Variants in MAFG observed in about 807,000 individuals in gnomAD.
MAFG encodes the protein MAF bZIP transcription factor G.
In MAFG, 3 loss-of-function variants were observed where a neutral mutation model predicts 12.2. The observed-to-expected ratio is 0.25, with a 90% confidence interval of 0.11 to 0.64. The LOEUF (loss-of-function observed/expected upper bound fraction) is 0.64. Ranked by LOEUF, MAFG falls within the 30% of genes least tolerant of loss-of-function variation. The pLI is 0.85. For missense variants in MAFG, 153 were observed against 235.5 expected, an observed-to-expected ratio of 0.65 and a Z score of 2.29; for synonymous variants, 126 against 109.1, an observed-to-expected ratio of 1.15 and a Z score of -0.96.
rs1370820653 is a variant in MAFG at position 81,926,055 on chromosome 17, G to T, written c.-30+1473C>A. Among the ~76,000 whole-genome samples, 1 of 150,606 alleles carries T rather than the reference G, an allele frequency of 6.6e-6. No homozygotes were observed. Among genetic ancestry groups the T allele is most frequent in the African/African-American group, 2.5e-5 (1 of 40,810 alleles). On this transcript the variant is annotated intron_variant, in intron 1 of 2. Transcript: ENST00000357736. This position sits in a 1 kb window ranked among gnomAD's most constrained non-coding sequence, Gnocchi z 4.6. ...CGGGGGGCGGGGGGCATCCCTGAGG[G>T]CAAACCACAAAGTAGCCTAACCCAG... is the stretch of plus-strand genomic sequence containing the variant.
At chr17:81,927,024 G>A (rs2040945991) in intron 1 of MAFG, among the ~76,000 whole-genome samples, 2 of 152,148 alleles carry the variant, frequency 1.3e-5, no homozygotes, top group Non-Finnish European at 2.9e-5. Context: ...CCGAGCCCCA[G>A]CCAGGGGCAG....
In MAFG at chr17:81,922,508, G is replaced by A; in HGVS notation, c.*97C>T. The A allele has an allele frequency of 2.1e-6, 2 of 973,252 alleles. No homozygotes were observed. Among genetic ancestry groups the A allele is most frequent in the East Asian group, 3.1e-5 (1 of 32,450 alleles). 60.3% of individuals were successfully genotyped at this position (973,252 alleles called of 1,614,324 possible). A position where few individuals can be genotyped will look rare whatever the true frequency, so the allele number is the denominator to read the frequency against. Reference sequence around the variant, plus strand: ...GAAGAGAGAAGGGTGGGGAAGAGAGGGAGGAAAGAGAAGAGAAGGAAACAG... The same window carrying A: ...GAAGAGAGAAGGGTGGGGAAGAGAGAGAGGAAAGAGAAGAGAAGGAAACAG... On this transcript the variant is annotated 3_prime_UTR_variant, in exon 3 of 3. Transcript: ENST00000357736.
In MAFG at chr17:81,924,817, T is replaced by C. The variant is rs1160890094; in HGVS notation, c.-29-1603A>G. Among the ~76,000 whole-genome samples the C allele has an allele frequency of 2.6e-5, 4 of 152,196 alleles. No homozygotes were observed. The highest frequency in any genetic ancestry group is 9.7e-5 in the African/African-American group (4 of 41,444). On this transcript the variant is annotated intron_variant, in intron 1 of 2. Transcript: ENST00000357736. The surrounding 1 kb of genome is among the most constrained non-coding windows in gnomAD (Gnocchi z 4.7). The stretch of plus-strand genomic sequence containing the variant: ...CAAGCATGGAGGGGCCCCCCAGCCT[T>C]GAGTGCAAGTCAGGGTGCAGAGACA...
rs2040908096 is a variant in MAFG at position 81,923,059 on chromosome 17, TG to T, written c.37-3del. 1.2e-6 allele frequency: 2 copies of T among 1,605,442 alleles called. No homozygotes were observed. The highest frequency in any genetic ancestry group is 1.7e-4 in the Middle Eastern group (1 of 6,036). Reference sequence around the variant, plus strand: ...ATTCTCACCCGGCTCCCGCTTCACCTGGGGCACAGTGCAGGTGGTCACAGGC... The same window carrying T: ...ATTCTCACCCGGCTCCCGCTTCACCTGGGCACAGTGCAGGTGGTCACAGGC... On this transcript the variant is annotated splice_region_variant and splice_polypyrimidine_tract_variant and intron_variant, in intron 2 of 2. Transcript: ENST00000357736.
At position 81,922,930 on chromosome 17, in the gene MAFG, C is replaced by T; in HGVS notation, c.164G>A (p.Arg55His). Reference sequence around the variant, plus strand: ...GCCGCGGTTCTTGAGCGTGCGCCGGCGCTGCTTCAGCTGGACGATCTCCTC... The same window carrying T: ...GCCGCGGTTCTTGAGCGTGCGCCGGTGCTGCTTCAGCTGGACGATCTCCTC... ...SKEEIVQLKQ[R>H]RRTLKNRGYA... Residue 55 changes from arginine to histidine, a missense_variant, in exon 3 of 3, where the codon CGC (arginine) becomes CAC (histidine). By Grantham distance (29) the Arg-to-His change is conservative. Around this residue, in one of 3 missense-constraint regions of MAFG, gnomAD observed 29 missense variants for 75.3 expected, o/e 0.39. Coordinates refer to ENST00000357736, the MANE Select transcript of MAFG (RefSeq NM_002359.4). The T allele has an allele frequency of 1.9e-6, 3 of 1,606,438 alleles. No homozygotes were observed. The highest frequency in any genetic ancestry group is 1.1e-5 in the South Asian group (1 of 89,804).
upstream of MAFG, among the ~76,000 whole-genome samples, chr17:81,928,759 C>T (rs973107038): frequency 3.3e-5 from 5 of 152,208 alleles, no homozygotes; most frequent in Admixed American, 3.3e-4. This position sits in a 1 kb window ranked among gnomAD's most constrained non-coding sequence, Gnocchi z 8.1. Flanking sequence ...AGGCCTCAAC[C>T]TTAGTGTACA....
rs2040900255 is a variant in MAFG at position 81,922,475 on chromosome 17, T to G, written c.*130A>C. On this transcript the variant is annotated 3_prime_UTR_variant, in exon 3 of 3. Transcript: ENST00000357736. Reference sequence around the variant, plus strand: ...GGCGCCCCTGGGGTACAGGTTGTGCTTTGCAGGGAAGAGAGAAGGGTGGGG... The same window carrying G: ...GGCGCCCCTGGGGTACAGGTTGTGCGTTGCAGGGAAGAGAGAAGGGTGGGG... 1 of 723,084 alleles carries G rather than the reference T, an allele frequency of 1.4e-6. No homozygotes were observed. Among genetic ancestry groups the G allele is most frequent in the Non-Finnish European group, 2.1e-6 (1 of 479,526 alleles). 44.8% of individuals were successfully genotyped at this position (723,084 alleles called of 1,614,324 possible). A position where few individuals can be genotyped will look rare whatever the true frequency, so the allele number is the denominator to read the frequency against.
rs966243690 is a variant in MAFG at position 81,924,676 on chromosome 17, C to A, written c.-29-1462G>T. Among the ~76,000 whole-genome samples, 1 of 152,224 alleles carries A rather than the reference C, an allele frequency of 6.6e-6. No individual in the cohort carries two copies. Among genetic ancestry groups the A allele is most frequent in the African/African-American group, 2.4e-5 (1 of 41,456 alleles). The stretch of plus-strand genomic sequence containing the variant: ...CAGAGGCAAGGTCCCGAGGCTCCAG[C>A]CACTGGATTCTTCCAGATAAAGGAT... On this transcript the variant is annotated intron_variant, in intron 1 of 2. Coordinates refer to ENST00000357736, the MANE Select transcript of MAFG (RefSeq NM_002359.4). The surrounding 1 kb of genome is among the most constrained non-coding windows in gnomAD (Gnocchi z 4.7).
chr17:81,927,686 G>T lies in MAFG; in HGVS notation c.-188C>A. Reference sequence around the variant, plus strand: ...CGAGCGCACTGGGAAGGCCGGGCCGGACCAGGCTCGGGATCCGCCGCCGCC... The same window carrying T: ...CGAGCGCACTGGGAAGGCCGGGCCGTACCAGGCTCGGGATCCGCCGCCGCC... On this transcript the variant is annotated 5_prime_UTR_variant, in exon 1 of 3. Transcript: ENST00000357736. 2 of 149,948 alleles carry T rather than the reference G, an allele frequency of 1.3e-5. No individual in the cohort carries two copies. Among genetic ancestry groups the T allele is most frequent in the South Asian group, 3.7e-4 (2 of 5,402 alleles). The allele number at this position is 149,948 out of a possible 1,614,324, so 9.3% of individuals were successfully genotyped here.
At chr17:81,925,614 C>T (rs1048131174) in intron 1 of MAFG, among the ~76,000 whole-genome samples, 1 of 152,100 alleles carries the variant, frequency 6.6e-6, no homozygotes, top group Admixed American at 6.5e-5. Context: ...CGAGACCATC[C>T]TGGCTAACAC....
At chr17:81,929,415 G>A (rs1194018213), upstream of MAFG, 1 of 152,254 alleles carries the variant, frequency 6.6e-6, no homozygotes, top group Non-Finnish European at 1.5e-5. The surrounding 1 kb of genome is among the most constrained non-coding windows in gnomAD (Gnocchi z 5.7). Context: ...CGAGGGAGGG[G>A]AGGTGCCACG....
rs1020070537 is a variant in MAFG, at chr17:81,920,058, G to A, written c.*2547C>T. Reference sequence around the variant, plus strand: ...ACCCACAGCCAGGACAAAAGTGGGGGCTGCACAAGGACAAGGAGGGCCTGT... The same window carrying A: ...ACCCACAGCCAGGACAAAAGTGGGGACTGCACAAGGACAAGGAGGGCCTGT... On this transcript the variant is annotated 3_prime_UTR_variant, in exon 3 of 3. Coordinates refer to ENST00000357736, the MANE Select transcript of MAFG (RefSeq NM_002359.4). The A allele has an allele frequency of 6.6e-6, 1 of 152,222 alleles. No individual in the cohort carries two copies. Among genetic ancestry groups the A allele is most frequent in the Non-Finnish European group, 1.5e-5 (1 of 68,060 alleles). The allele number at this position is 152,222 out of a possible 1,614,324, so 9.4% of individuals were successfully genotyped here.
chr17:81,926,620 C>T lies in MAFG; in HGVS notation c.-30+908G>A, dbSNP rs1326716640. ...CTCGGCCCACCGAAGCTCCTCCCCTCCCTCACTCAGGGAACTATTTCCCAG... is the reference window on the plus strand; with the variant it reads ...CTCGGCCCACCGAAGCTCCTCCCCTTCCTCACTCAGGGAACTATTTCCCAG... On this transcript the variant is annotated intron_variant, in intron 1 of 2. Transcript: ENST00000357736. The surrounding 1 kb of genome is among the most constrained non-coding windows in gnomAD (Gnocchi z 4.6). 1.3e-5 allele frequency among the ~76,000 whole-genome samples: 2 copies of T among 152,174 alleles called. No homozygotes were observed. Among genetic ancestry groups the T allele is most frequent in the Non-Finnish European group, 2.9e-5 (2 of 68,026 alleles).
In MAFG at chr17:81,922,502, A is replaced by C; in HGVS notation, c.*103T>G. Reference sequence around the variant, plus strand: ...TGCAGGGAAGAGAGAAGGGTGGGGAAGAGAGGGAGGAAAGAGAAGAGAAGG... The same window carrying C: ...TGCAGGGAAGAGAGAAGGGTGGGGACGAGAGGGAGGAAAGAGAAGAGAAGG... On this transcript the variant is annotated 3_prime_UTR_variant, in exon 3 of 3. Transcript: ENST00000357736. 1 of 909,476 alleles carries C rather than the reference A, an allele frequency of 1.1e-6. No individual in the cohort carries two copies. The highest frequency in any genetic ancestry group is 3.8e-5 in the Admixed American group (1 of 26,414). 56.3% of individuals were successfully genotyped at this position (909,476 alleles called of 1,614,324 possible).
chr17:81,925,444 T>A (rs2040931577), intron 1 of MAFG, among the ~76,000 whole-genome samples: 1 of 152,224 alleles, frequency 6.6e-6, no homozygotes, highest in Admixed American at 6.5e-5. Context: ...CCATAAGCTC[T>A]CAGCTCCTGA....
rs1253549666 is a variant in MAFG at position 81,918,690 on chromosome 17, G to C, written c.*3915C>G. On this transcript the variant is annotated 3_prime_UTR_variant, in exon 3 of 3. Transcript: ENST00000357736. ...AGGAGAGCAACAGGGCTGGACACGC[G>C]GGCAGCCCTTGTCCTGTTGCCAGGA... 1 of 152,470 alleles carries C rather than the reference G, an allele frequency of 6.6e-6. No individual in the cohort carries two copies. The highest frequency in any genetic ancestry group is 2.4e-5 in the African/African-American group (1 of 41,448). The allele number at this position is 152,470 out of a possible 1,614,324, so 9.4% of individuals were successfully genotyped here. A position where few individuals can be genotyped will look rare whatever the true frequency, so the allele number is the denominator to read the frequency against.
At position 81,922,448 on chromosome 17, in the gene MAFG, C is replaced by G; in HGVS notation, c.*157G>C. 1 of 557,258 alleles carries G rather than the reference C, an allele frequency of 1.8e-6. No homozygotes were observed. Among genetic ancestry groups the G allele is most frequent in the Non-Finnish European group, 3.0e-6 (1 of 337,062 alleles). 34.5% of individuals were successfully genotyped at this position (557,258 alleles called of 1,614,324 possible). ...AATGACGAGATCAAAGGGGCTCAGC[C>G]CGGCGCCCCTGGGGTACAGGTTGTG... On this transcript the variant is annotated 3_prime_UTR_variant, in exon 3 of 3. Coordinates refer to ENST00000357736, the MANE Select transcript of MAFG (RefSeq NM_002359.4).
rs568265758 is a variant in MAFG, at chr17:81,927,689, C to G, written c.-191G>C. On this transcript the variant is annotated 5_prime_UTR_variant, in exon 1 of 3. Transcript: ENST00000357736. The stretch of plus-strand genomic sequence containing the variant: ...GCGCACTGGGAAGGCCGGGCCGGAC[C>G]AGGCTCGGGATCCGCCGCCGCCGCC... 555 of 151,862 alleles carry G rather than the reference C, an allele frequency of 3.7e-3. 2 individuals are homozygous for G. Among genetic ancestry groups the G allele is most frequent in the South Asian group, 7.6e-3 (42 of 5,518 alleles). The allele number at this position is 151,862 out of a possible 1,614,324, so 9.4% of individuals were successfully genotyped here.
upstream of MAFG, among the ~76,000 whole-genome samples, chr17:81,931,147 A>G (rs973203795): frequency 3.9e-5 from 6 of 152,122 alleles, no homozygotes; most frequent in Non-Finnish European, 8.8e-5. Context: ...ACAGTGGGAA[A>G]GCTCCTAGGG....
Sources: allele counts gnomAD v4.1 joint callset (sites outside exome capture counted in the v4.1 genomes callset), GRCh38; gene constraint gnomAD v4.1.1; regional missense constraint gnomAD v4.1.1; non-coding constraint Gnocchi (gnomAD v3.1); transcripts MANE v1.5; gene names NCBI Gene and HGNC (gene_info 2026-07-23, HGNC 2026-07-21).